The following NELL1 variants were observed in gnomAD, a reference collection of about 807,000 sequenced individuals.
NELL1 encodes the protein neural EGFL like 1.
A neutral mutation model predicts 107.4 loss-of-function variants in NELL1; 76 were observed. The ratio of observed to expected loss-of-function variants is 0.71; its 90% CI spans 0.59 to 0.86. The LOEUF is 0.86. Among genes scored for constraint, NELL1 ranks in the 40% least tolerant of loss-of-function variants. The probability of loss-of-function intolerance (pLI) is 0.00; values close to 1 mark genes in which losing one functional copy is unlikely to be tolerated. For synonymous variants in NELL1, 353 were observed against 341.2 expected (o/e 1.03, Z -0.38); for missense variants, 1,024 against 1,005.5 (o/e 1.02, Z -0.25).
Position 21,146,076 on chromosome 11 carries a change from C to T in NELL1, c.1426+32362C>T, listed in dbSNP as rs1248768854. Among the ~76,000 whole-genome samples the T allele has an allele frequency of 3.3e-5, 5 of 152,158 alleles. 1 individual carries two copies. The highest frequency in any genetic ancestry group is 6.8e-3 in the Middle Eastern group (2 of 294). Reference sequence around the variant, plus strand: ...TCATGCCTGTAAGTTTCATCCTACTCGTTGGTAAAATGGTGATAATAATAT... The same window carrying T: ...TCATGCCTGTAAGTTTCATCCTACTTGTTGGTAAAATGGTGATAATAATAT... On this transcript the variant is annotated intron_variant, in intron 13 of 19. Transcript: ENST00000357134.
At chr11:20,984,037 A>G (rs1001933153) in intron 12 of NELL1, among the ~76,000 whole-genome samples, 10 of 151,878 alleles carry the variant, frequency 6.6e-5, no homozygotes, top group African/African-American at 2.4e-4. Context: ...GTTATCGTCT[A>G]TCTTTTTTTT....
intron 12 of NELL1, among the ~76,000 whole-genome samples, chr11:20,961,562 A>G (rs1017337580): frequency 2.2e-4 from 34 of 152,194 alleles, no homozygotes; most frequent in African/African-American, 8.2e-4. Context: ...TTCTAAAGGT[A>G]AAGACAGTAT....
intron 13 of NELL1, among the ~76,000 whole-genome samples, chr11:21,227,902 C>A (rs1209303188): frequency 6.6e-6 from 1 of 152,126 alleles, no homozygotes; most frequent in African/African-American, 2.4e-5. Flanking sequence ...AGGATTTAAC[C>A]TTTCTCATTA....
At chr11:20,755,534 G>GTTTTTT (rs1364309032) in intron 2 of NELL1, among the ~76,000 whole-genome samples, 6 of 90,308 alleles carry the variant, frequency 6.6e-5, no homozygotes, top group African/African-American at 1.7e-4. Context: ...ACCTGTGTGG[G>GTTTTTT]TTTTTGTTTT....
intron 12 of NELL1, among the ~76,000 whole-genome samples, chr11:20,996,803 T>G (rs1852100324): frequency 1.3e-5 from 2 of 151,982 alleles, no homozygotes; most frequent in South Asian, 2.1e-4. Flanking sequence ...CTCTCTAGGG[T>G]TTTTATCTTC....
At chr11:21,481,425 A>G (rs1854488997) in intron 15 of NELL1, among the ~76,000 whole-genome samples, 1 of 152,208 alleles carries the variant, frequency 6.6e-6, no homozygotes, top group Non-Finnish European at 1.5e-5. Context: ...AGATTGCAGC[A>G]TGACTTAATA....
intron 14 of NELL1, among the ~76,000 whole-genome samples, chr11:21,297,240 G>A (rs1849394612): frequency 6.6e-6 from 1 of 151,896 alleles, no homozygotes; most frequent in Non-Finnish European, 1.5e-5. Context: ...AGACAAGATA[G>A]GCTACATTCA....
chr11:20,911,775 G>A (rs77679901), intron 5 of NELL1, among the ~76,000 whole-genome samples: 2,527 of 152,272 alleles, frequency 0.017, 79 homozygotes, highest in African/African-American at 0.057. Flanking sequence ...TTTCCATGGG[G>A]CAGCTTTCAA....
chr11:20,755,972 A>C lies in NELL1; in HGVS notation c.185-27708A>C, dbSNP rs1254715151. 2.1e-4 allele frequency among the ~76,000 whole-genome samples: 30 copies of C among 144,196 alleles called. 1 individual carries two copies. Among genetic ancestry groups the C allele is most frequent in the Admixed American group, 2.0e-3 (28 of 14,190 alleles). The allele number at this position is 144,196 out of a possible 152,430, so 94.6% of individuals were successfully genotyped here. On this transcript the variant is annotated intron_variant, in intron 2 of 19. Transcript: ENST00000357134. ...CAGTGGCGTGATCTCGGCTCACTGC[A>C]AGCTCTGCCTGCCGGGTTCATGCCA... is the stretch of plus-strand genomic sequence containing the variant.
rs116289228 is a variant in NELL1 at position 21,173,423 on chromosome 11, A to T, written c.1427-55909A>T. On this transcript the variant is annotated intron_variant, in intron 13 of 19. Coordinates refer to ENST00000357134, the MANE Select transcript of NELL1 (RefSeq NM_006157.5). ...TCACATTCTTTTTTTCTAATTTAAC[A>T]GCTTATGTACTTTGCCACAGGGAGA... is the stretch of plus-strand genomic sequence containing the variant. 5.7e-3 allele frequency among the ~76,000 whole-genome samples: 862 copies of T among 151,962 alleles called. 28 individuals are homozygous for T. Among genetic ancestry groups the T allele is most frequent in the African/African-American group, 0.02 (815 of 41,264 alleles).
chr11:20,735,401 C>A (rs1000128275), intron 2 of NELL1, among the ~76,000 whole-genome samples: 7 of 152,126 alleles, frequency 4.6e-5, no homozygotes, highest in Admixed American at 2.0e-4. Flanking sequence ...ACATGTTCTT[C>A]TTCACATGAT....
chr11:21,514,569 CAGATT>C (rs1443566911), intron 15 of NELL1, among the ~76,000 whole-genome samples: 2 of 152,184 alleles, frequency 1.3e-5, no homozygotes, highest in African/African-American at 4.8e-5. Flanking sequence ...TGAAGGTTGC[CAGATT>C]AATCTCTTTT....
intron 13 of NELL1, among the ~76,000 whole-genome samples, chr11:21,146,850 C>T (rs1023717189): frequency 6.6e-6 from 1 of 152,096 alleles, no homozygotes; most frequent in African/African-American, 2.4e-5. Flanking sequence ...TCGAGACCAG[C>T]CTGACCAATA....
chr11:21,296,898 T>C (rs1849387307), intron 14 of NELL1, among the ~76,000 whole-genome samples: 2 of 151,490 alleles, frequency 1.3e-5, no homozygotes, highest in Non-Finnish European at 2.9e-5. Context: ...TGAAATGATA[T>C]ACTTAATATA....
At chr11:20,848,689 C>A (rs1222642359) in intron 4 of NELL1, among the ~76,000 whole-genome samples, 2 of 152,152 alleles carry the variant, frequency 1.3e-5, no homozygotes, top group Non-Finnish European at 2.9e-5. Flanking sequence ...TTGGGGATAG[C>A]CTCCCTTCCA....
chr11:20,993,203 C>G (rs1852015750), intron 12 of NELL1, among the ~76,000 whole-genome samples: 1 of 152,146 alleles, frequency 6.6e-6, no homozygotes, highest in Non-Finnish European at 1.5e-5. Flanking sequence ...TAGATTTTCT[C>G]TACTAAGTTT....
At chr11:20,749,388 C>T (rs1284746180) in intron 2 of NELL1, among the ~76,000 whole-genome samples, 1 of 151,912 alleles carries the variant, frequency 6.6e-6, no homozygotes, top group Non-Finnish European at 1.5e-5. Context: ...TGCTTGAGCC[C>T]AGGAGTTCAA....
At chr11:21,536,135 T>C (rs1186436434) in intron 16 of NELL1, among the ~76,000 whole-genome samples, 2 of 152,146 alleles carry the variant, frequency 1.3e-5, no homozygotes, top group South Asian at 2.1e-4. Flanking sequence ...GTTCAAGGGA[T>C]TCATGTGCAG....
At chr11:20,861,376 G>A (rs1008406341) in intron 4 of NELL1, among the ~76,000 whole-genome samples, 1 of 152,180 alleles carries the variant, frequency 6.6e-6, no homozygotes, top group African/African-American at 2.4e-5. Context: ...GAGGAATGAG[G>A]CTGCTTTGTT....
Sources: gnomAD v4.1 joint callset for allele counts (sites outside exome capture counted in the v4.1 genomes callset) on GRCh38, gnomAD v4.1.1 for gene constraint, MANE v1.5 for transcripts, NCBI Gene and HGNC (gene_info 2026-07-23, HGNC 2026-07-21) for gene names.